METTL24: variants seen among roughly 807,000 people sequenced by gnomAD.
The protein encoded by METTL24 is probable methyltransferase-like protein 24.
In METTL24, 29 loss-of-function variants were observed where a neutral mutation model predicts 32.7. That is an observed-to-expected ratio of 0.89 (90% CI 0.66 to 1.21). The LOEUF is 1.21. METTL24 is among the 50% of genes most tolerant of loss of function. METTL24 has a pLI of 0.00. For synonymous variants in METTL24, 163 were observed against 179.5 expected (o/e 0.91, Z 0.73); for missense variants, 439 against 468.1 (o/e 0.94, Z 0.57).
At chr6:110,287,450 T>C (rs1262005811) in intron 4 of METTL24, among the ~76,000 whole-genome samples, 2 of 152,206 alleles carry the variant, frequency 1.3e-5, no homozygotes, top group African/African-American at 4.8e-5. Flanking sequence ...TTCTGCACGA[T>C]GAAATTGCCT....
intron 4 of METTL24, among the ~76,000 whole-genome samples, chr6:110,292,470 C>T (rs1771336660): frequency 6.6e-6 from 1 of 151,690 alleles, no homozygotes; most frequent in Non-Finnish European, 1.5e-5. Context: ...TTTCTGTGAA[C>T]TGTTTTTCAT....
chr6:110,346,504 C>CTT (rs3068847), intron 1 of METTL24, among the ~76,000 whole-genome samples: 71,088 of 133,734 alleles, frequency 0.53, 20,494 homozygotes, highest in Non-Finnish European at 0.64. Context: ...CTCTCTCTCT[C>CTT]TTTTTTTTTT....
At chr6:110,252,104 A>C (rs1385354453) in intron 4 of METTL24, among the ~76,000 whole-genome samples, 1 of 152,196 alleles carries the variant, frequency 6.6e-6, no homozygotes, top group Non-Finnish European at 1.5e-5. Flanking sequence ...AGATGGCGCC[A>C]TGATACTCCA....
At chr6:110,271,287 G>T (rs1336341557) in intron 4 of METTL24, among the ~76,000 whole-genome samples, 1 of 151,728 alleles carries the variant, frequency 6.6e-6, no homozygotes, top group African/African-American at 2.4e-5. Flanking sequence ...GAGCATACAC[G>T]TTCTTTGTCT....
At chr6:110,334,515 T>G (rs1772173077) in intron 1 of METTL24, among the ~76,000 whole-genome samples, 1 of 152,104 alleles carries the variant, frequency 6.6e-6, no homozygotes, top group Admixed American at 6.5e-5. Context: ...AGACACTGGA[T>G]GGTGCTTGAA....
At chr6:110,331,487 T>C (rs1331680435) in intron 1 of METTL24, among the ~76,000 whole-genome samples, 1 of 151,800 alleles carries the variant, frequency 6.6e-6, no homozygotes, top group African/African-American at 2.4e-5. Flanking sequence ...GGCGAGACCC[T>C]GTCTCTACAA....
chr6:110,350,762 CAAAATAAAATAAAAT>C (rs57785468), intron 1 of METTL24, among the ~76,000 whole-genome samples: 3,930 of 115,908 alleles, frequency 0.034, 183 homozygotes, highest in African/African-American at 0.1. Context: ...CCTGTCTCAA[CAAAATAAAATAAAAT>C]AAAATAAAAT....
intron 4 of METTL24, among the ~76,000 whole-genome samples, chr6:110,250,343 A>C (rs1317978844): frequency 6.6e-6 from 1 of 151,882 alleles, no homozygotes; most frequent in East Asian, 1.9e-4. Context: ...CTCTGCCTTC[A>C]TCTTCACATG....
Position 110,357,966 on chromosome 6 carries a change from G to T in METTL24, c.307C>A (p.Pro103Thr). 8.4e-7 allele frequency: 1 copy of T among 1,188,724 alleles called. No homozygotes were observed. Among genetic ancestry groups the T allele is most frequent in the South Asian group, 4.1e-5 (1 of 24,292 alleles). The allele number at this position is 1,188,724 out of a possible 1,614,324, so 73.6% of individuals were successfully genotyped here. Residue 103 changes from proline to threonine, a missense_variant, in exon 1 of 5, where the codon CCC (proline) becomes ACC (threonine). By Grantham distance (38) the Pro-to-Thr change is conservative (BLOSUM62 -1). Coordinates refer to ENST00000338882, the MANE Select transcript of METTL24 (RefSeq NM_001123364.3). ...EPGCCAPRGR[P>T]RRKGPRWHID... is the part of the protein sequence containing the mutation. ...GCTTTGCAACTGACCTTCCGGCGGG[G>T]GCGCCCGCGCGGGGCACAGCAGCCA... is the stretch of plus-strand genomic sequence containing the variant.
chr6:110,308,930 T>C (rs888299648), intron 3 of METTL24, among the ~76,000 whole-genome samples: 3 of 152,110 alleles, frequency 2.0e-5, no homozygotes, highest in Non-Finnish European at 4.4e-5. Context: ...AGAATAGTGA[T>C]TGCCTAAGGA....
intron 4 of METTL24, among the ~76,000 whole-genome samples, chr6:110,274,338 T>C (rs1347768246): frequency 3.3e-5 from 5 of 152,052 alleles, no homozygotes; most frequent in African/African-American, 1.2e-4. Flanking sequence ...GGTGATCCGC[T>C]TGCCTCGGCC....
Position 110,322,122 on chromosome 6 carries a change from T to C in METTL24, c.417+652A>G, listed in dbSNP as rs139901223. Among the ~76,000 whole-genome samples the C allele has an allele frequency of 1.2e-3, 186 of 152,338 alleles. 2 individuals are homozygous for C. The highest frequency in any genetic ancestry group is 4.3e-3 in the African/African-American group (179 of 41,570). Reference sequence around the variant, plus strand: ...TGAGAATGGAACCTTCTGATTAACATGTCAAGAGCCATAGACTGTCTTAAT... The same window carrying C: ...TGAGAATGGAACCTTCTGATTAACACGTCAAGAGCCATAGACTGTCTTAAT... On this transcript the variant is annotated intron_variant, in intron 2 of 4. Coordinates refer to ENST00000338882, the MANE Select transcript of METTL24 (RefSeq NM_001123364.3).
chr6:110,294,981 G>GTC (rs1338670654), intron 4 of METTL24, among the ~76,000 whole-genome samples: 3 of 138,536 alleles, frequency 2.2e-5, no homozygotes, highest in Non-Finnish European at 4.7e-5. Context: ...CAAAAAGTGA[G>GTC]TCTTTAATTG....
intron 1 of METTL24, among the ~76,000 whole-genome samples, chr6:110,356,593 G>C (rs1334191015): frequency 6.6e-6 from 1 of 152,180 alleles, no homozygotes; most frequent in Non-Finnish European, 1.5e-5. Context: ...GAAATCACCG[G>C]ATGCCTGTGC....
At chr6:110,278,326 A>G (rs1215044877) in intron 4 of METTL24, among the ~76,000 whole-genome samples, 7 of 152,204 alleles carry the variant, frequency 4.6e-5, no homozygotes, top group Non-Finnish European at 4.4e-5. Flanking sequence ...AAGCTAGAAG[A>G]GGCTAAACTT....
rs77669045 is a variant in METTL24 at position 110,309,363 on chromosome 6, A to G, written c.557+5979T>C. ...GAGAAATAGGCTTCCTAAAGCATAAATGACACACTAGTGGGTAAAAACACT... is the reference window on the plus strand; with the variant it reads ...GAGAAATAGGCTTCCTAAAGCATAAGTGACACACTAGTGGGTAAAAACACT... On this transcript the variant is annotated intron_variant, in intron 3 of 4. Coordinates refer to ENST00000338882, the MANE Select transcript of METTL24 (RefSeq NM_001123364.3). Among the ~76,000 whole-genome samples the G allele has an allele frequency of 1.9e-3, 284 of 152,332 alleles. 2 individuals are homozygous for G. Among genetic ancestry groups the G allele is most frequent in the African/African-American group, 6.6e-3 (273 of 41,566 alleles).
rs532910774 is a variant in METTL24 at position 110,353,313 on chromosome 6, G to T, written c.318+4642C>A. Among the ~76,000 whole-genome samples, 91 of 152,280 alleles carry T rather than the reference G, an allele frequency of 6.0e-4. 2 individuals carry two copies. The South Asian group carries it at 0.018, about 31-fold the overall frequency. On this transcript the variant is annotated intron_variant, in intron 1 of 4. Transcript: ENST00000338882. ...GTAGGTACACAGGCAAAAACCTGAGGAGCTAGAAACTACTGCTGGGCCATG... is the reference window on the plus strand; with the variant it reads ...GTAGGTACACAGGCAAAAACCTGAGTAGCTAGAAACTACTGCTGGGCCATG...
At position 110,245,811 on chromosome 6, in the gene METTL24, G is replaced by T. The variant is rs1778145340; in HGVS notation, c.*135C>A. On this transcript the variant is annotated 3_prime_UTR_variant, in exon 5 of 5. Coordinates refer to ENST00000338882, the MANE Select transcript of METTL24 (RefSeq NM_001123364.3). The stretch of plus-strand genomic sequence containing the variant: ...TCACATGCCAAGCACTAGGCTGCAT[G>T]CCCGCAATAACACACTCCCTGCCTC... The T allele has an allele frequency of 4.9e-6, 4 of 816,608 alleles. No individual in the cohort carries two copies. Among genetic ancestry groups the T allele is most frequent in the Non-Finnish European group, 5.9e-6 (3 of 511,646 alleles). The allele number at this position is 816,608 out of a possible 1,614,324, so 50.6% of individuals were successfully genotyped here.
At chr6:110,310,551 T>C (rs1017041921) in intron 3 of METTL24, among the ~76,000 whole-genome samples, 9 of 152,164 alleles carry the variant, frequency 5.9e-5, no homozygotes, top group Admixed American at 5.9e-4. Flanking sequence ...TTTTTTCTCT[T>C]CTCTATCCCT....
Sources: allele counts gnomAD v4.1 joint callset (sites outside exome capture counted in the v4.1 genomes callset), GRCh38; gene constraint gnomAD v4.1.1; transcripts MANE v1.5; gene names NCBI Gene and HGNC (gene_info 2026-07-23, HGNC 2026-07-21).